Variants in MYO1D observed in about 807,000 individuals in gnomAD.
The protein encoded by MYO1D is myosin ID, also known as unconventional myosin-Id.
In MYO1D, 83 loss-of-function variants were observed where a neutral mutation model predicts 122.0. The ratio of observed to expected loss-of-function variants is 0.68; its 90% CI spans 0.57 to 0.82. The LOEUF is 0.82. Among genes scored for constraint, MYO1D ranks in the 40% least tolerant of loss-of-function variants. MYO1D has a pLI of 0.00. For synonymous variants in MYO1D, 464 were observed against 446.9 expected (o/e 1.04, Z -0.48); for missense variants, 1,157 against 1,269.5 (o/e 0.91, Z 1.35).
chr17:32,719,864 C>T (rs2089490191), intron 15 of MYO1D, among the ~76,000 whole-genome samples: 1 of 152,156 alleles, frequency 6.6e-6, no homozygotes. Flanking sequence ...CACCACTGTC[C>T]TGTCAGTGTC....
At chr17:32,853,485 G>A (rs1179689683) in intron 1 of MYO1D, among the ~76,000 whole-genome samples, 2 of 152,056 alleles carry the variant, frequency 1.3e-5, no homozygotes, top group East Asian at 1.9e-4. Flanking sequence ...TGAAGCTTCC[G>A]TTTACCTCCC....
At chr17:32,601,210 G>A (rs1407633432) in intron 21 of MYO1D, among the ~76,000 whole-genome samples, 1 of 152,028 alleles carries the variant, frequency 6.6e-6, no homozygotes, top group Non-Finnish European at 1.5e-5. Context: ...TGCTGGGGTC[G>A]CAGGAATGAG....
At chr17:32,640,329 T>C (rs1048452861) in intron 19 of MYO1D, among the ~76,000 whole-genome samples, 3 of 152,174 alleles carry the variant, frequency 2.0e-5, no homozygotes, top group Non-Finnish European at 4.4e-5. Context: ...TTTCTTTTTT[T>C]CTTTTATTAT....
At chr17:32,785,835 T>C (rs2090288028) in intron 1 of MYO1D, among the ~76,000 whole-genome samples, 1 of 152,186 alleles carries the variant, frequency 6.6e-6, no homozygotes, top group Non-Finnish European at 1.5e-5. Context: ...GAGTCTAGTA[T>C]CACTTCAAAT....
chr17:32,524,459 C>T (rs1002542852), intron 21 of MYO1D, among the ~76,000 whole-genome samples: 7 of 152,164 alleles, frequency 4.6e-5, no homozygotes, highest in African/African-American at 7.2e-5. Flanking sequence ...GTGGCACCAT[C>T]ATAGCTCACT....
At chr17:32,670,598 A>C (rs1207564069) in intron 16 of MYO1D, among the ~76,000 whole-genome samples, 1 of 152,242 alleles carries the variant, frequency 6.6e-6, no homozygotes, top group Non-Finnish European at 1.5e-5. Context: ...GATGAGACTG[A>C]GAACCTGTCT....
chr17:32,620,555 T>A lies in MYO1D; in HGVS notation c.2710-15314A>T, dbSNP rs321151. On this transcript the variant is annotated intron_variant, in intron 20 of 21. Coordinates refer to ENST00000318217, the MANE Select transcript of MYO1D (RefSeq NM_015194.3). ...AAAGAAAAGCCAGGGAACCCCCCCC[T>A]GCCAAGTTCCTCCAGAGTCCTGAGG... Among the ~76,000 whole-genome samples, 7 of 151,992 alleles carry A rather than the reference T, an allele frequency of 4.6e-5. No homozygotes were observed. In the South Asian group the frequency reaches 1.0e-3, roughly 23 times the overall value.
intron 21 of MYO1D, among the ~76,000 whole-genome samples, chr17:32,571,704 T>C (rs2087229950): frequency 6.6e-6 from 1 of 152,182 alleles, no homozygotes; most frequent in Non-Finnish European, 1.5e-5. Context: ...TTTCAAACTC[T>C]CTCTCCCCTG....
chr17:32,840,096 G>T (rs905816561), intron 1 of MYO1D, among the ~76,000 whole-genome samples: 1 of 152,170 alleles, frequency 6.6e-6, no homozygotes, highest in African/African-American at 2.4e-5. Flanking sequence ...GGAGGCACTA[G>T]GGCTATAAAG....
chr17:32,738,450 C>G, intron 13 of MYO1D, 65 bp from the exon 14 acceptor site: 3 of 1,446,026 alleles, frequency 2.1e-6, no homozygotes, highest in Non-Finnish European at 2.8e-6. Flanking sequence ...AACTGATAAG[C>G]AATTCTGCTG....
At chr17:32,742,014 C>CAA (rs55636240) in intron 13 of MYO1D, among the ~76,000 whole-genome samples, 183 of 106,104 alleles carry the variant, frequency 1.7e-3, no homozygotes, top group East Asian at 0.014. Flanking sequence ...GACTCCGTCT[C>CAA]AAAAAAAAAA....
At chr17:32,766,143 T>G (rs2090054130) in intron 7 of MYO1D, among the ~76,000 whole-genome samples, 3 of 152,096 alleles carry the variant, frequency 2.0e-5, no homozygotes, top group Non-Finnish European at 2.9e-5. Flanking sequence ...ACCTCAAACT[T>G]TCCAAAGTGC....
chr17:32,688,196 C>T (rs923153367), intron 16 of MYO1D, among the ~76,000 whole-genome samples: 1 of 152,064 alleles, frequency 6.6e-6, no homozygotes, highest in Non-Finnish European at 1.5e-5. Context: ...CAAGAAAGCA[C>T]GTATAAATTC....
intron 1 of MYO1D, among the ~76,000 whole-genome samples, chr17:32,816,350 G>A (rs1234332153): frequency 1.3e-5 from 2 of 152,232 alleles, no homozygotes; most frequent in East Asian, 1.9e-4. Flanking sequence ...TGAGACAAAC[G>A]CAGGGCCCAG....
intron 16 of MYO1D, among the ~76,000 whole-genome samples, chr17:32,661,552 G>A (rs1399947354): frequency 2.0e-5 from 3 of 152,064 alleles, no homozygotes; most frequent in Non-Finnish European, 2.9e-5. Flanking sequence ...CTTCTCAGGA[G>A]GCTTAGGTGG....
chr17:32,748,106 AGC>A (rs2089857214), intron 12 of MYO1D, among the ~76,000 whole-genome samples: 1 of 152,242 alleles, frequency 6.6e-6, no homozygotes, highest in Non-Finnish European at 1.5e-5. Context: ...AATTTGTTAC[AGC>A]AGCCCTTGGA....
At chr17:32,697,370 T>C (rs1270280214) in intron 16 of MYO1D, among the ~76,000 whole-genome samples, 1 of 152,218 alleles carries the variant, frequency 6.6e-6, no homozygotes, top group Non-Finnish European at 1.5e-5. Flanking sequence ...TGGCCACCAT[T>C]CAATCAAAGG....
intron 13 of MYO1D, among the ~76,000 whole-genome samples, chr17:32,744,930 C>T (rs1295875568): frequency 6.6e-6 from 1 of 152,174 alleles, no homozygotes; most frequent in African/African-American, 2.4e-5. Context: ...CTGAGGACTG[C>T]TGAGTATACT....
chr17:32,761,375 A>T (rs532625067), intron 8 of MYO1D, among the ~76,000 whole-genome samples: 128 of 152,234 alleles, frequency 8.4e-4, no homozygotes, highest in African/African-American at 3.0e-3. Context: ...CTCTACATAG[A>T]TACTTCTCGT....
Sources: gnomAD v4.1 joint callset for allele counts (sites outside exome capture counted in the v4.1 genomes callset) on GRCh38, gnomAD v4.1.1 for gene constraint, MANE v1.5 for transcripts, NCBI Gene and HGNC (gene_info 2026-07-23, HGNC 2026-07-21) for gene names.